Variants in C1orf185 observed in about 807,000 individuals in gnomAD.
The protein encoded by C1orf185 is chromosome 1 open reading frame 185, also known as uncharacterized protein C1orf185.
A neutral mutation model predicts 16.1 loss-of-function variants in C1orf185; 13 were observed. That is an observed-to-expected ratio of 0.81 (90% CI 0.53 to 1.28). C1orf185 has a LOEUF of 1.28. C1orf185 is among the 50% of genes most tolerant of loss of function. C1orf185 has a pLI of 0.00. For missense variants in C1orf185, 220 were observed against 225.2 expected, an observed-to-expected ratio of 0.98 and a Z score of 0.15; for synonymous variants, 80 against 76.9, an observed-to-expected ratio of 1.04 and a Z score of -0.21.
intron 3 of C1orf185, among the ~76,000 whole-genome samples, chr1:51,142,186 A>T (rs1646369255): frequency 6.6e-6 from 1 of 152,202 alleles, no homozygotes; most frequent in African/African-American, 2.4e-5. Flanking sequence ...CTATTATCCC[A>T]ATCATGTCCT....
intron 1 of C1orf185, among the ~76,000 whole-genome samples, chr1:51,107,867 C>T (rs1264826591): frequency 4.6e-5 from 7 of 152,122 alleles, no homozygotes; most frequent in Non-Finnish European, 8.8e-5. Flanking sequence ...TTAATTAATT[C>T]AACTTTTAAA....
chr1:51,121,271 C>G (rs1646195854), intron 3 of C1orf185, among the ~76,000 whole-genome samples: 1 of 152,054 alleles, frequency 6.6e-6, no homozygotes, highest in Non-Finnish European at 1.5e-5. Context: ...CCTGCCACCC[C>G]CAGCCCCTGG....
At chr1:51,115,215 G>C (rs116131497) in intron 2 of C1orf185, among the ~76,000 whole-genome samples, 20,857 of 152,090 alleles carry the variant, frequency 0.14, 1,853 homozygotes, top group South Asian at 0.36. Context: ...GTTCATGCCT[G>C]TAATCCCAGC....
downstream of C1orf185, among the ~76,000 whole-genome samples, chr1:51,150,993 T>C (rs1646427342): frequency 6.6e-6 from 1 of 152,220 alleles, no homozygotes; most frequent in Non-Finnish European, 1.5e-5. Flanking sequence ...ATGAACATCC[T>C]TGAAAAGATA....
intron 3 of C1orf185, among the ~76,000 whole-genome samples, chr1:51,131,921 T>G (rs2148024820): frequency 6.6e-6 from 1 of 152,204 alleles, no homozygotes; most frequent in South Asian, 2.1e-4. Context: ...TTCCCAACCT[T>G]GAGCCAGAGA....
chr1:51,126,906 T>C (rs1646244073), intron 3 of C1orf185, among the ~76,000 whole-genome samples: 2 of 152,218 alleles, frequency 1.3e-5, no homozygotes, highest in Non-Finnish European at 2.9e-5. Context: ...TCTCCATCTT[T>C]CTTGTTTAAC....
intron 2 of C1orf185, among the ~76,000 whole-genome samples, chr1:51,118,092 G>A (rs1177990201): frequency 1.3e-5 from 2 of 152,002 alleles, no homozygotes; most frequent in East Asian, 3.9e-4. Flanking sequence ...TTTTTTGTAT[G>A]TGTTTTTAGT....
chr1:51,131,027 C>T (rs1294865288), intron 3 of C1orf185, among the ~76,000 whole-genome samples: 2 of 152,174 alleles, frequency 1.3e-5, no homozygotes, highest in African/African-American at 2.4e-5. Context: ...CTCAGCCTCC[C>T]AAGTAGCTGG....
chr1:51,118,887 A>G (rs1465236563), intron 3 of C1orf185, 86 bp downstream of exon 3: 9 of 1,030,954 alleles, frequency 8.7e-6, no homozygotes, highest in Non-Finnish European at 1.2e-5. Flanking sequence ...AATCTGAAGG[A>G]CAGAGAATCC....
chr1:51,128,132 A>G (rs1471569626), intron 3 of C1orf185, among the ~76,000 whole-genome samples: 1 of 151,694 alleles, frequency 6.6e-6, no homozygotes. Context: ...CCAGTGATCT[A>G]CCCACCTTGG....
intron 3 of C1orf185, among the ~76,000 whole-genome samples, chr1:51,125,343 T>G (rs1165812673): frequency 6.6e-6 from 1 of 152,224 alleles, no homozygotes. Flanking sequence ...TTGTGAGGAC[T>G]TATAAGAAAC....
chr1:51,137,158 A>T (rs955613120), intron 3 of C1orf185, among the ~76,000 whole-genome samples: 1 of 152,174 alleles, frequency 6.6e-6, no homozygotes, highest in Non-Finnish European at 1.5e-5. Flanking sequence ...TATGAAAAAA[A>T]AGTTCAATAT....
chr1:51,103,854 A>C (rs142888997), intron 1 of C1orf185, among the ~76,000 whole-genome samples: 68 of 152,292 alleles, frequency 4.5e-4, no homozygotes, highest in Non-Finnish European at 7.4e-4. Flanking sequence ...TTAATTTCTT[A>C]TAATATTATC....
At chr1:51,123,481 G>A (rs950084713) in intron 3 of C1orf185, among the ~76,000 whole-genome samples, 1 of 152,188 alleles carries the variant, frequency 6.6e-6, no homozygotes, top group African/African-American at 2.4e-5. Flanking sequence ...AAACATATGT[G>A]TGGAGGTTTT....
At chr1:51,140,431 C>T (rs1055692024) in intron 3 of C1orf185, among the ~76,000 whole-genome samples, 1 of 152,156 alleles carries the variant, frequency 6.6e-6, no homozygotes, top group South Asian at 2.1e-4. Context: ...GCAGTCTAAT[C>T]ATAGTTCGTT....
chr1:51,126,448 A>G (rs1309441776), intron 3 of C1orf185, among the ~76,000 whole-genome samples: 1 of 152,022 alleles, frequency 6.6e-6, no homozygotes, highest in Admixed American at 6.6e-5. Context: ...AATTGTAGAG[A>G]TAGAGTCTTG....
At position 51,147,612 on chromosome 1, in the gene C1orf185, T is replaced by C. The variant is rs964170987; in HGVS notation, c.441T>C (p.Ser147=). Reference sequence around the variant, plus strand: ...CATCTGATTCTTATTACAGCCAAAGTATAGAAGCAGCTGATGACTGGTTTT... The same window carrying C: ...CATCTGATTCTTATTACAGCCAAAGCATAGAAGCAGCTGATGACTGGTTTT... ...TLPSDSYYSQ[S]IEAADDWFSD... The change falls in exon 5 of 5, where the codon AGT becomes AGC. Residue 147 remains serine, a synonymous_variant. Transcript: ENST00000371759. 5.7e-5 allele frequency: 89 copies of C among 1,551,448 alleles called. No individual in the cohort carries two copies. Among genetic ancestry groups the C allele is most frequent in the Non-Finnish European group, 7.4e-5 (85 of 1,146,918 alleles).
intron 3 of C1orf185, among the ~76,000 whole-genome samples, chr1:51,131,428 C>T (rs1646284606): frequency 6.6e-6 from 1 of 152,160 alleles, no homozygotes. Context: ...TGTCTTCTCT[C>T]TTATTAAGAG....
intron 1 of C1orf185, among the ~76,000 whole-genome samples, chr1:51,103,986 A>G (rs1386163826): frequency 1.3e-5 from 2 of 152,270 alleles, no homozygotes; most frequent in African/African-American, 4.8e-5. Flanking sequence ...TTAGGCTTAT[A>G]TCAGATCAAA....
Sources: gnomAD v4.1 joint callset for allele counts (sites outside exome capture counted in the v4.1 genomes callset) on GRCh38, gnomAD v4.1.1 for gene constraint, MANE v1.5 for transcripts, NCBI Gene and HGNC (gene_info 2026-07-23, HGNC 2026-07-21) for gene names.